Variants in POLR3B observed in about 807,000 individuals in gnomAD.
POLR3B encodes RNA polymerase III subunit B.
POLR3B carries 96 observed loss-of-function variants against 147.4 expected under a neutral mutation model. That is an observed-to-expected ratio of 0.65 (90% CI 0.55 to 0.77). The LOEUF (loss-of-function observed/expected upper bound fraction) is 0.77. Ranked by LOEUF, POLR3B falls within the 30% of genes least tolerant of loss-of-function variation. POLR3B has a pLI of 0.00. For missense variants in POLR3B, 1,036 were observed against 1,413.5 expected, an observed-to-expected ratio of 0.73 and a Z score of 4.28; for synonymous variants, 461 against 485.9, an observed-to-expected ratio of 0.95 and a Z score of 0.67.
intron 22 of POLR3B, among the ~76,000 whole-genome samples, chr12:106,462,259 TC>T (rs200055606): frequency 5.3e-5 from 8 of 152,134 alleles, no homozygotes; most frequent in African/African-American, 1.2e-4. Context: ...GGTGATTTTT[TC>T]TTTTTGAGAC....
At chr12:106,366,349 A>G (rs922079676) in intron 2 of POLR3B, among the ~76,000 whole-genome samples, 167 bp from the exon 3 acceptor site, 1 of 152,230 alleles carries the variant, frequency 6.6e-6, no homozygotes, top group Non-Finnish European at 1.5e-5. Context: ...CATTAATGAA[A>G]AGATTTATTA....
intron 9 of POLR3B, among the ~76,000 whole-genome samples, chr12:106,392,454 T>C (rs2036926015): frequency 6.6e-6 from 1 of 152,194 alleles, no homozygotes; most frequent in South Asian, 2.1e-4. Flanking sequence ...TGAACCACCA[T>C]GCCTGGCCCA....
intron 20 of POLR3B, among the ~76,000 whole-genome samples, chr12:106,455,322 T>C (rs926823845): frequency 2.6e-5 from 4 of 152,190 alleles, no homozygotes; most frequent in Non-Finnish European, 5.9e-5. Flanking sequence ...GATTTCTCTT[T>C]TTCCTTCCTG....
chr12:106,497,004 G>C, intron 25 of POLR3B, 86 bp downstream of exon 25: 1 of 1,349,240 alleles, frequency 7.4e-7, no homozygotes, highest in South Asian at 1.2e-5. Flanking sequence ...ACTCTATTAA[G>C]TATACCTTCA....
intron 6 of POLR3B, among the ~76,000 whole-genome samples, chr12:106,372,495 G>A (rs34955444): frequency 0.38 from 57,667 of 151,382 alleles, 12,778 homozygotes; most frequent in African/African-American, 0.61. Flanking sequence ...CCGCCACCAC[G>A]CCTGGCTAAT....
chr12:106,439,871 A>G (rs935631956), intron 18 of POLR3B, among the ~76,000 whole-genome samples: 11 of 152,022 alleles, frequency 7.2e-5, no homozygotes, highest in African/African-American at 2.7e-4. Context: ...AACCTGGGCA[A>G]CACAGTGAGA....
rs2036930060 is a variant in POLR3B at position 106,392,918 on chromosome 12, G to A, written c.724-113G>A. ...CCAGATGGCACCATTTCTGAGAGAA[G>A]AGCTAGCTTTTGCTTAGAAGTAATA... On this transcript the variant is annotated intron_variant, in intron 9 of 27. Transcript: ENST00000228347. 3.0e-6 allele frequency: 4 copies of A among 1,337,104 alleles called. No homozygotes were observed. In the East Asian group the frequency reaches 9.3e-5, roughly 31 times the overall value. The allele number at this position is 1,337,104 out of a possible 1,614,324, so 82.8% of individuals were successfully genotyped here.
intron 23 of POLR3B, among the ~76,000 whole-genome samples, chr12:106,489,059 C>T (rs569353234): frequency 1.3e-5 from 2 of 152,278 alleles, no homozygotes; most frequent in African/African-American, 4.8e-5. Flanking sequence ...CTCAGTCTCT[C>T]ATGTGAAAAA....
At chr12:106,436,912 T>C (rs2037584054) in intron 16 of POLR3B, 145 bp from the exon 17 acceptor site, 3 of 706,384 alleles carry the variant, frequency 4.2e-6, no homozygotes, top group Non-Finnish European at 7.7e-6. Flanking sequence ...TGCTCATCCA[T>C]ACAAAAATTA....
chr12:106,498,635 G>T (rs191765829), intron 25 of POLR3B, among the ~76,000 whole-genome samples: 51 of 151,424 alleles, frequency 3.4e-4, no homozygotes, highest in Non-Finnish European at 4.4e-5. Context: ...AGGCTGGAAT[G>T]CAATGGCGCT....
At chr12:106,445,769 G>A (rs1211908115) in intron 19 of POLR3B, among the ~76,000 whole-genome samples, 1 of 152,126 alleles carries the variant, frequency 6.6e-6, no homozygotes, top group Non-Finnish European at 1.5e-5. Flanking sequence ...AAAATACAGA[G>A]AGGGAGGCAT....
At chr12:106,391,248 A>G (rs2036909213) in intron 9 of POLR3B, among the ~76,000 whole-genome samples, 1 of 152,206 alleles carries the variant, frequency 6.6e-6, no homozygotes, top group Admixed American at 6.5e-5. Context: ...GTGTGTTTCC[A>G]TGACATGGTA....
At chr12:106,422,361 C>T (rs1039695467) in intron 12 of POLR3B, among the ~76,000 whole-genome samples, 3 of 152,166 alleles carry the variant, frequency 2.0e-5, no homozygotes, top group African/African-American at 4.8e-5. Flanking sequence ...TTCCTGAGGC[C>T]TCCCCAGAAA....
At chr12:106,405,832 CATT>C in intron 10 of POLR3B, 22 bp from the exon 11 acceptor site, 1 of 1,609,578 alleles carries the variant, frequency 6.2e-7, no homozygotes, top group Non-Finnish European at 8.5e-7. Flanking sequence ...GTCATTCAAA[CATT>C]ATTGTAATCT....
chr12:106,496,315 C>T (rs545446417), intron 24 of POLR3B, 157 bp downstream of exon 24: 3 of 704,366 alleles, frequency 4.3e-6, no homozygotes, highest in East Asian at 2.7e-5. Context: ...CAGCCCCTAA[C>T]GATTCTGGGC....
chr12:106,401,336 C>T lies in POLR3B; in HGVS notation c.847-4521C>T, dbSNP rs536557597. On this transcript the variant is annotated intron_variant, in intron 10 of 27. Transcript: ENST00000228347. ...CTGAAATTGAGGCAATAATCAATAG[C>T]TTACCAACTAAAAAAAGTCCAGGAC... Among the ~76,000 whole-genome samples the T allele has an allele frequency of 1.9e-3, 283 of 152,252 alleles. 1 individual carries two copies. The highest frequency in any genetic ancestry group is 6.4e-3 in the African/African-American group (265 of 41,540).
intron 7 of POLR3B, 41 bp from the exon 8 acceptor site, chr12:106,378,226 G>A (rs1000505464): frequency 1.7e-6 from 2 of 1,201,972 alleles, no homozygotes; most frequent in Non-Finnish European, 2.5e-6. Context: ...AACACTGGTT[G>A]AGGAATAAAT....
chr12:106,423,251 C>G (rs2037395036), intron 12 of POLR3B, among the ~76,000 whole-genome samples: 1 of 152,136 alleles, frequency 6.6e-6, no homozygotes, highest in Non-Finnish European at 1.5e-5. Flanking sequence ...TTGTCGCCAT[C>G]AAATCATTTC....
chr12:106,450,652 A>G (rs1025033655), intron 19 of POLR3B, among the ~76,000 whole-genome samples: 2 of 152,180 alleles, frequency 1.3e-5, no homozygotes, highest in African/African-American at 4.8e-5. Context: ...ATAAGATACT[A>G]CTACACACTC....
Sources: allele counts gnomAD v4.1 joint callset (sites outside exome capture counted in the v4.1 genomes callset), GRCh38; gene constraint gnomAD v4.1.1; transcripts MANE v1.5; gene names NCBI Gene and HGNC (gene_info 2026-07-23, HGNC 2026-07-21).